Variants in DSG1 observed in about 807,000 individuals in gnomAD.
The protein encoded by DSG1 is desmoglein-1.
Under a neutral mutation model 97.5 loss-of-function variants are expected in DSG1, and 39 were observed. The observed-to-expected ratio is 0.40, with a 90% CI of 0.31 to 0.52. The LOEUF is 0.52. DSG1 is among the 20% of genes least tolerant of loss of function. The pLI, the probability that DSG1 is intolerant of heterozygous loss-of-function variation, is 0.53. For missense variants in DSG1, 1,311 were observed against 1,295.4 expected, an observed-to-expected ratio of 1.01 and a Z score of -0.18; for synonymous variants, 475 against 443.4, an observed-to-expected ratio of 1.07 and a Z score of -0.90.
chr18:31,354,135 T>C (rs1254267137), intron 14 of DSG1, 162 bp from the exon 15 acceptor site: 6 of 636,200 alleles, frequency 9.4e-6, no homozygotes, highest in Non-Finnish European at 5.4e-6. Flanking sequence ...TTATTTCAAA[T>C]AATTATAAAA....
chr18:31,318,491 AT>A lies in DSG1; in HGVS notation c.48+148del, dbSNP rs2071633973. The stretch of plus-strand genomic sequence containing the variant: ...ATGACAAGATGATTTTATGAACTAG[AT>A]TTTTCAATAGCATTTCTCTCTTTAA... On this transcript the variant is annotated intron_variant, in intron 1 of 14. Transcript: ENST00000257192. 5 of 748,718 alleles carry A rather than the reference AT, an allele frequency of 6.7e-6. No homozygotes were observed. In the Admixed American group the frequency reaches 9.6e-5, roughly 14 times the overall value. 46.4% of individuals were successfully genotyped at this position (748,718 alleles called of 1,614,324 possible). A position where few individuals can be genotyped will look rare whatever the true frequency, so the allele number is the denominator to read the frequency against.
chr18:31,322,898 T>C (rs1436920069), intron 1 of DSG1, among the ~76,000 whole-genome samples: 2 of 152,162 alleles, frequency 1.3e-5, no homozygotes, highest in East Asian at 3.8e-4. Context: ...AAGGAAAACA[T>C]TAAAAATTAC....
chr18:31,331,302 T>C (rs1306406249), intron 5 of DSG1, among the ~76,000 whole-genome samples: 1 of 152,112 alleles, frequency 6.6e-6, no homozygotes, highest in Admixed American at 6.6e-5. Context: ...TCATCCCCAT[T>C]TATAGATATA....
Position 31,331,974 on chromosome 18 carries a change from C to T in DSG1, c.684+107C>T, listed in dbSNP as rs1291420609. The T allele has an allele frequency of 4.6e-6, 5 of 1,079,922 alleles. No homozygotes were observed. In the Admixed American group the frequency reaches 1.2e-4, roughly 26 times the overall value. 66.9% of individuals were successfully genotyped at this position (1,079,922 alleles called of 1,614,324 possible). On this transcript the variant is annotated intron_variant, in intron 6 of 14. Transcript: ENST00000257192. ...AAGAAAATGATGGTTTAAATTTTTA[C>T]TTGTATAACTTTTTCACATAATTCT... is the stretch of plus-strand genomic sequence containing the variant.
chr18:31,354,338 T>C lies in DSG1; in HGVS notation c.2142T>C (p.Ser714=). ...AYADEDEGRP[S]NDCLLIYDIE... ...CAGATGAAGATGAAGGACGCCCATC[T>C]AATGACTGTTTGCTCATATATGACA... The change falls in exon 15 of 15, where the codon TCT becomes TCC. Residue 714 remains serine (S), a synonymous_variant. Coordinates refer to ENST00000257192, the MANE Select transcript of DSG1 (RefSeq NM_001942.4). 1 of 1,614,258 alleles carries C rather than the reference T, an allele frequency of 6.2e-7. No homozygotes were observed. Among genetic ancestry groups the C allele is most frequent in the Non-Finnish European group, 8.5e-7 (1 of 1,180,042 alleles).
chr18:31,334,078 A>T lies in DSG1; in HGVS notation c.881A>T (p.Asp294Val). 1.2e-6 allele frequency: 2 copies of T among 1,610,784 alleles called. No individual in the cohort carries two copies. The highest frequency in any genetic ancestry group is 1.7e-6 in the Non-Finnish European group (2 of 1,177,202). The change falls in exon 8 of 15, where the codon GAT (aspartate) becomes GTT (valine). Residue 294 changes from aspartate (D) to valine (V), a missense_variant. By Grantham distance (152) the Asp-to-Val change is radical (BLOSUM62 -3). Around this residue, in one of 3 missense-constraint regions of DSG1, gnomAD observed 1,038 missense variants for 964.6 expected, o/e 1.08. Transcript: ENST00000257192. ...AATTTGCTCGAGATTAGAGTAATTG[A>T]TTTGGATGAAGAGTTCTCAGCTAAC... The part of the protein sequence containing the change: ...NSNLLEIRVI[D>V]LDEEFSANWM...
intron 11 of DSG1, 120 bp downstream of exon 11, chr18:31,340,145 G>A (rs1308228615): frequency 3.5e-6 from 4 of 1,136,488 alleles, no homozygotes; most frequent in South Asian, 3.0e-5. Flanking sequence ...CAATTATAAA[G>A]AAACTTCTGT....
At position 31,350,670 on chromosome 18, in the gene DSG1, T is replaced by C. The variant is rs2071887803; in HGVS notation, c.2101-3627T>C. Among the ~76,000 whole-genome samples the C allele has an allele frequency of 2.0e-5, 3 of 146,578 alleles. No homozygotes were observed. In the South Asian group the frequency reaches 6.6e-4, roughly 32 times the overall value. ...CTCCTGTTATTGGTCTATTCAGAGA[T>C]TCAACTTCTACCTGGTTTAGTCTTG... On this transcript the variant is annotated intron_variant, in intron 14 of 14. Transcript: ENST00000257192.
At chr18:31,349,529 T>G (rs1299236600) in intron 14 of DSG1, among the ~76,000 whole-genome samples, 1 of 142,692 alleles carries the variant, frequency 7.0e-6, no homozygotes, top group Non-Finnish European at 1.5e-5. Flanking sequence ...TTGATGGGGA[T>G]GGCATTGAAT....
chr18:31,343,199 A>G (rs2071801574), intron 11 of DSG1, among the ~76,000 whole-genome samples: 2 of 152,174 alleles, frequency 1.3e-5, no homozygotes, highest in Non-Finnish European at 2.9e-5. Context: ...GGTGTGAGCC[A>G]CCATGCCAGG....
At position 31,333,938 on chromosome 18, in the gene DSG1, T is replaced by C; in HGVS notation, c.820-79T>C. On this transcript the variant is annotated intron_variant, in intron 7 of 14. Transcript: ENST00000257192. ...ATATCTTTTCTAAATAATGAAGTTA[T>C]CAACATTCCAGTATAAGCCTACTGT... 2.5e-6 allele frequency: 3 copies of C among 1,187,558 alleles called. No homozygotes were observed. In the South Asian group the frequency reaches 3.8e-5, roughly 15 times the overall value. 73.6% of individuals were successfully genotyped at this position (1,187,558 alleles called of 1,614,324 possible).
intron 11 of DSG1, among the ~76,000 whole-genome samples, chr18:31,343,094 T>G (rs1218583600): frequency 2.6e-5 from 4 of 151,942 alleles, no homozygotes; most frequent in Non-Finnish European, 4.4e-5. Context: ...TATTTTTTGG[T>G]AGAGATAGGG....
intron 5 of DSG1, among the ~76,000 whole-genome samples, chr18:31,330,401 C>A (rs1003615999): frequency 3.3e-5 from 5 of 152,048 alleles, no homozygotes; most frequent in African/African-American, 1.2e-4. Flanking sequence ...GTTTTTTCCC[C>A]TTTTTTAAAG....
At chr18:31,324,291 C>T (rs1244924777) in intron 1 of DSG1, among the ~76,000 whole-genome samples, 2 of 147,438 alleles carry the variant, frequency 1.4e-5, no homozygotes, top group East Asian at 4.1e-4. Context: ...CCTCTCCTTC[C>T]TTTTTTTTTT....
Position 31,321,499 on chromosome 18 carries a change from T to C in DSG1, c.48+3151T>C, listed in dbSNP as rs76351151. ...TCACGTATTCAGTGAAACTTACAAATTGCATTCAAGTGTCATCATTAACAG... is the reference window on the plus strand; with the variant it reads ...TCACGTATTCAGTGAAACTTACAAACTGCATTCAAGTGTCATCATTAACAG... On this transcript the variant is annotated intron_variant, in intron 1 of 14. Transcript: ENST00000257192. Among the ~76,000 whole-genome samples, 1,457 of 152,298 alleles carry C rather than the reference T, an allele frequency of 9.6e-3. 28 individuals carry two copies. Among genetic ancestry groups the C allele is most frequent in the African/African-American group, 0.034 (1,400 of 41,550 alleles).
intron 3 of DSG1, 89 bp from the exon 4 acceptor site, chr18:31,328,100 C>A: frequency 2.9e-6 from 4 of 1,386,600 alleles, no homozygotes; most frequent in Non-Finnish European, 4.0e-6. Context: ...AAGGTCATCA[C>A]ATGCAACAAC....
chr18:31,344,510 T>C (rs370879445), intron 13 of DSG1, among the ~76,000 whole-genome samples: 2 of 152,338 alleles, frequency 1.3e-5, no homozygotes, highest in African/African-American at 4.8e-5. Flanking sequence ...CCATTTTCAG[T>C]ATCATCACAA....
Position 31,354,384 on chromosome 18 carries a change from G to C in DSG1, c.2188G>C (p.Ala730Pro), listed in dbSNP as rs147959081. 4 of 1,614,114 alleles carry C rather than the reference G, an allele frequency of 2.5e-6. No homozygotes were observed. In the African/African-American group the frequency reaches 5.3e-5, roughly 22 times the overall value. Reference protein sequence around the residue: ...IYDIEGVGSPAGSVGCCSFIG... With the variant: ...IYDIEGVGSPPGSVGCCSFIG... ...TGACATCGAAGGTGTAGGTTCCCCT[G>C]CTGGCTCTGTGGGTTGTTGTAGCTT... The change falls in exon 15 of 15, where the codon GCT becomes CCT. Residue 730 changes from alanine to proline, a missense_variant. Physicochemically the swap from Ala to Pro is conservative, Grantham distance 27 (BLOSUM62 -1). Transcript: ENST00000257192.
intron 8 of DSG1, among the ~76,000 whole-genome samples, chr18:31,335,220 A>AGCTCC (rs1256129693): frequency 2.6e-5 from 4 of 152,160 alleles, no homozygotes; most frequent in Non-Finnish European, 5.9e-5. Flanking sequence ...TATTGCAGAT[A>AGCTCC]AAGACATTGA....
Sources: gnomAD v4.1 joint callset for allele counts (sites outside exome capture counted in the v4.1 genomes callset) on GRCh38, gnomAD v4.1.1 for gene constraint, gnomAD v4.1.1 regional missense constraint, MANE v1.5 for transcripts, NCBI Gene and HGNC (gene_info 2026-07-23, HGNC 2026-07-21) for gene names.